BEND7: variants seen among roughly 807,000 people sequenced by gnomAD.
BEND7 encodes BEN domain containing 7.
In BEND7, 28 loss-of-function variants were observed where a neutral mutation model predicts 50.9. That is an observed-to-expected ratio of 0.55 (90% CI 0.41 to 0.75). The LOEUF is 0.75. Among genes scored for constraint, BEND7 ranks in the 30% least tolerant of loss-of-function variants. The probability of loss-of-function intolerance (pLI) is 0.00; values close to 1 mark genes in which losing one functional copy is unlikely to be tolerated. For synonymous variants in BEND7, 170 were observed against 183.9 expected, an observed-to-expected ratio of 0.92 and a Z score of 0.61; for missense variants, 477 against 491.3, an observed-to-expected ratio of 0.97 and a Z score of 0.28.
At chr10:13,509,636 T>C (rs1464058218) in intron 2 of BEND7, among the ~76,000 whole-genome samples, 5 of 152,188 alleles carry the variant, frequency 3.3e-5, no homozygotes, top group Non-Finnish European at 7.4e-5. Context: ...CTCACAAAGA[T>C]GGCAAGACTG....
intron 6 of BEND7, among the ~76,000 whole-genome samples, chr10:13,471,222 G>A (rs985714948): frequency 1.3e-5 from 2 of 152,204 alleles, no homozygotes; most frequent in Non-Finnish European, 2.9e-5. Context: ...GAACATCAGG[G>A]CCTTAGTCAG....
rs115018289 is a variant in BEND7 at position 13,470,326 on chromosome 10, C to T, written c.1063+10573G>A. On this transcript the variant is annotated intron_variant, in intron 6 of 8. Coordinates refer to ENST00000466271, the MANE Select transcript of BEND7 (RefSeq NM_001369863.1). ...ATATACAAATCGACAGTGTCCACAA[C>T]GGCAACAGTGCCCACAATGGTGTGC... Among the ~76,000 whole-genome samples, 1,407 of 152,344 alleles carry T rather than the reference C, an allele frequency of 9.2e-3. 22 individuals carry two copies. The highest frequency in any genetic ancestry group is 0.032 in the African/African-American group (1,329 of 41,572).
intron 6 of BEND7, among the ~76,000 whole-genome samples, chr10:13,469,101 G>C (rs1471665526): frequency 6.6e-6 from 1 of 152,190 alleles, no homozygotes; most frequent in African/African-American, 2.4e-5. Flanking sequence ...GTGATCAAGA[G>C]GTGTTGAGAG....
At chr10:13,491,057 G>A (rs1036846575) in intron 5 of BEND7, among the ~76,000 whole-genome samples, 1 of 152,068 alleles carries the variant, frequency 6.6e-6, no homozygotes, top group African/African-American at 2.4e-5. Flanking sequence ...GCCCACCTTG[G>A]CCTCCCAAAG....
chr10:13,447,536 C>CTTTTTTT (rs11346528), intron 7 of BEND7, among the ~76,000 whole-genome samples: 14 of 86,090 alleles, frequency 1.6e-4, no homozygotes, highest in East Asian at 6.6e-4. Flanking sequence ...CGTATTAAAA[C>CTTTTTTT]TTTTTTTTTT....
chr10:13,439,392 G>T (rs754419392), downstream of BEND7: 1 of 1,614,142 alleles, frequency 6.2e-7, no homozygotes, highest in Non-Finnish European at 8.5e-7. Context: ...CCAGGGTTCT[G>T]CCATCTGTCC....
chr10:13,519,345 G>C (rs1042869762), intron 2 of BEND7, among the ~76,000 whole-genome samples: 4 of 152,030 alleles, frequency 2.6e-5, no homozygotes, highest in Non-Finnish European at 5.9e-5. Context: ...GTGTGGTGGC[G>C]GGCACCTGTA....
intron 7 of BEND7, among the ~76,000 whole-genome samples, 199 bp downstream of exon 7, chr10:13,452,340 A>G (rs1837928905): frequency 6.6e-6 from 1 of 152,230 alleles, no homozygotes; most frequent in African/African-American, 2.4e-5. Flanking sequence ...GTGGCCTGAC[A>G]TAATTTTTAC....
intron 5 of BEND7, among the ~76,000 whole-genome samples, chr10:13,491,243 G>A (rs1433719169): frequency 2.0e-5 from 3 of 151,224 alleles, no homozygotes; most frequent in African/African-American, 7.3e-5. Context: ...AACCCAAGAG[G>A]CGGAGGTTGC....
At chr10:13,439,470 A>G, downstream of BEND7, 1 of 1,612,282 alleles carries the variant, frequency 6.2e-7, no homozygotes, top group Non-Finnish European at 8.5e-7. Flanking sequence ...CCCACCCGGC[A>G]GAACAGTGCA....
Position 13,518,650 on chromosome 10 carries a change from C to T in BEND7, c.145+7488G>A, listed in dbSNP as rs548616810. On this transcript the variant is annotated intron_variant, in intron 2 of 8. Coordinates refer to ENST00000466271, the MANE Select transcript of BEND7 (RefSeq NM_001369863.1). ...GCTTTCATATGTGAGTTCTCCTTTT[C>T]GGTGTCTTCTGGATTTGAAAAAAGA... Among the ~76,000 whole-genome samples, 5 of 152,234 alleles carry T rather than the reference C, an allele frequency of 3.3e-5. No homozygotes were observed. The East Asian group carries it at 9.7e-4, about 29-fold the overall frequency.
intron 6 of BEND7, among the ~76,000 whole-genome samples, chr10:13,465,676 TG>T (rs748116130): frequency 6.0e-4 from 92 of 152,216 alleles, no homozygotes; most frequent in Non-Finnish European, 1.1e-3. Context: ...TTATTTTAAC[TG>T]GAGACTTTAA....
chr10:13,509,420 T>C (rs1258835759), intron 2 of BEND7, among the ~76,000 whole-genome samples: 1 of 152,180 alleles, frequency 6.6e-6, no homozygotes, highest in East Asian at 1.9e-4. Flanking sequence ...GTGGGTGGGC[T>C]GGTCCATCCC....
rs1026693885 is a variant in BEND7 at position 13,452,434 on chromosome 10, T to C, written c.1183+105A>G. The C allele has an allele frequency of 2.2e-5, 28 of 1,270,254 alleles. No individual in the cohort carries two copies. The African/African-American group carries it at 3.7e-4, about 17-fold the overall frequency. 78.7% of individuals were successfully genotyped at this position (1,270,254 alleles called of 1,614,324 possible). A position where few individuals can be genotyped will look rare whatever the true frequency, so the allele number is the denominator to read the frequency against. On this transcript the variant is annotated intron_variant, in intron 7 of 8. Coordinates refer to ENST00000466271, the MANE Select transcript of BEND7 (RefSeq NM_001369863.1). ...CAGCATATTATAAACAGTCTCTCCTTCAAAAGACAAGATGCTGAAATAACC... is the reference window on the plus strand; with the variant it reads ...CAGCATATTATAAACAGTCTCTCCTCCAAAAGACAAGATGCTGAAATAACC...
chr10:13,480,994 T>C lies in BEND7; in HGVS notation c.968A>G (p.Lys323Arg), dbSNP rs753284452. 2 of 1,614,200 alleles carry C rather than the reference T, an allele frequency of 1.2e-6. No homozygotes were observed. Among genetic ancestry groups the C allele is most frequent in the Non-Finnish European group, 1.7e-6 (2 of 1,180,030 alleles). Residue 323 changes from lysine to arginine, a missense_variant, in exon 6 of 9, where the codon AAG becomes AGG. This residue lies in a region of BEND7 where 396 missense variants were observed against 384.2 expected (regional missense o/e 1.03). Transcript: ENST00000466271. ...ATTGGGTAAGGAGTTAGCCAAAGTC[T>C]TGTCATCAAAAAACGCACACACCAG... The part of the protein sequence containing the change: ...RKLVCAFFDD[K>R]TLANSLPNGK...
chr10:13,480,645 T>C (rs1271383039), intron 6 of BEND7: 1 of 984,994 alleles, frequency 1.0e-6, no homozygotes, highest in Non-Finnish European at 1.2e-6. Context: ...AAAACTTCTT[T>C]TTGATTCTGC....
At chr10:13,491,254 A>G (rs1406933996) in intron 5 of BEND7, among the ~76,000 whole-genome samples, 1 of 150,842 alleles carries the variant, frequency 6.6e-6, no homozygotes, top group Non-Finnish European at 1.5e-5. Context: ...CGGAGGTTGC[A>G]GTGAGTGGAG....
chr10:13,494,452 A>G (rs904233297), intron 4 of BEND7, among the ~76,000 whole-genome samples: 2 of 152,140 alleles, frequency 1.3e-5, no homozygotes, highest in Non-Finnish European at 2.9e-5. Context: ...AAAAAACTGA[A>G]ATGCCTCAGC....
intron 7 of BEND7, among the ~76,000 whole-genome samples, chr10:13,452,056 A>C (rs1303525710): frequency 6.6e-6 from 1 of 152,092 alleles, no homozygotes; most frequent in South Asian, 2.1e-4. Flanking sequence ...AAACCCACAC[A>C]CACAACCCGT....
Sources: allele counts gnomAD v4.1 joint callset (sites outside exome capture counted in the v4.1 genomes callset), GRCh38; gene constraint gnomAD v4.1.1; regional missense constraint gnomAD v4.1.1; transcripts MANE v1.5; gene names NCBI Gene and HGNC (gene_info 2026-07-23, HGNC 2026-07-21).